The following ABCE1 variants were observed in gnomAD, a reference collection of about 807,000 sequenced individuals.
ABCE1 encodes the protein ATP-binding cassette sub-family E member 1.
A neutral mutation model predicts 83.4 loss-of-function variants in ABCE1; 22 were observed. The ratio of observed to expected loss-of-function variants is 0.26; its 90% confidence interval spans 0.19 to 0.38. The LOEUF (loss-of-function observed/expected upper bound fraction) is 0.38, where lower values mean the gene tolerates loss of function less well. Among genes scored for constraint, ABCE1 ranks in the 10% least tolerant of loss-of-function variants. The pLI, the probability that ABCE1 is intolerant of heterozygous loss-of-function variation, is 1.00. For synonymous variants in ABCE1, 204 were observed against 233.7 expected, an observed-to-expected ratio of 0.87 and a Z score of 1.16; for missense variants, 330 against 721.9, an observed-to-expected ratio of 0.46 and a Z score of 6.22.
intron 13 of ABCE1, 109 bp downstream of exon 13, chr4:145,121,500 T>A: frequency 1.3e-6 from 1 of 777,976 alleles, no homozygotes; most frequent in Non-Finnish European, 2.1e-6. Flanking sequence ...TCTATACAGT[T>A]TTATTGATAG....
rs748074488 is a variant in ABCE1 at position 145,105,590 on chromosome 4, C to A, written c.104-15C>A. ...ATCAAAGGAAATGGCTTAATTATAT[C>A]TTTTCCTTTACCAGGAAAATTATGC... On this transcript the variant is annotated splice_polypyrimidine_tract_variant and intron_variant, in intron 2 of 17. Coordinates refer to ENST00000296577, the MANE Select transcript of ABCE1 (RefSeq NM_002940.3). The A allele has an allele frequency of 7.1e-6, 11 of 1,552,066 alleles. No individual in the cohort carries two copies. The highest frequency in any genetic ancestry group is 5.5e-5 in the African/African-American group (4 of 72,822).
chr4:145,105,605 G>A lies in ABCE1; in HGVS notation c.104G>A (p.Gly35Glu). 6.3e-7 allele frequency: 1 copy of A among 1,583,448 alleles called. No individual in the cohort carries two copies. The highest frequency in any genetic ancestry group is 8.6e-7 in the Non-Finnish European group (1 of 1,160,572). Residue 35 changes from glycine (G) to glutamate (E), a missense_variant and splice_region_variant, in exon 3 of 18, where the codon GGA (glycine) becomes GAA (glutamate). By Grantham distance (98) the Gly-to-Glu change is moderately conservative (BLOSUM62 -2). Coordinates refer to ENST00000296577, the MANE Select transcript of ABCE1 (RefSeq NM_002940.3). ...TTAATTATATCTTTTCCTTTACCAG[G>A]AAAATTATGCATAGAGGTTACACCC... ...CKKSCPVVRMGKLCIEVTPQS... is the reference protein window; with the variant it reads ...CKKSCPVVRMEKLCIEVTPQS...
intron 17 of ABCE1, 72 bp from the exon 18 acceptor site, chr4:145,127,454 T>C (rs1749919103): frequency 7.6e-7 from 1 of 1,319,592 alleles, no homozygotes; most frequent in Non-Finnish European, 1.1e-6. Context: ...AGTAATACCA[T>C]GAGTGAAAGT....
Position 145,120,295 on chromosome 4 carries a change from C to T in ABCE1, c.1144+142C>T, listed in dbSNP as rs1749709690. 3 of 692,850 alleles carry T rather than the reference C, an allele frequency of 4.3e-6. No individual in the cohort carries two copies. The South Asian group carries it at 6.2e-5, about 14-fold the overall frequency. The allele number at this position is 692,850 out of a possible 1,614,324, so 42.9% of individuals were successfully genotyped here. A position where few individuals can be genotyped will look rare whatever the true frequency, so the allele number is the denominator to read the frequency against. On this transcript the variant is annotated intron_variant, in intron 11 of 17. Transcript: ENST00000296577. ...TTAAACCCACAAATTTCTTAGTGTACTTTCACATTTTTTTGGCATTGTGTA... is the reference window on the plus strand; with the variant it reads ...TTAAACCCACAAATTTCTTAGTGTATTTTCACATTTTTTTGGCATTGTGTA...
intron 9 of ABCE1, among the ~76,000 whole-genome samples, chr4:145,114,999 G>A (rs1749574733): frequency 6.6e-6 from 1 of 151,848 alleles, no homozygotes; most frequent in Non-Finnish European, 1.5e-5. Flanking sequence ...AGGATGCATT[G>A]GACAAAAGAA....
chr4:145,125,516 CTA>C (rs1313102501), intron 17 of ABCE1, among the ~76,000 whole-genome samples: 2 of 151,916 alleles, frequency 1.3e-5, no homozygotes. Context: ...TTTAAAATTC[CTA>C]TGTTTTTTAC....
chr4:145,101,514 G>C (rs1418930754), intron 1 of ABCE1, among the ~76,000 whole-genome samples: 1 of 152,160 alleles, frequency 6.6e-6, no homozygotes, highest in Non-Finnish European at 1.5e-5. Flanking sequence ...TCTTTAAAAG[G>C]CTTCCTATGG....
At chr4:145,122,926 C>A in intron 13 of ABCE1, 95 bp from the exon 14 acceptor site, 1 of 859,528 alleles carries the variant, frequency 1.2e-6, no homozygotes, top group Non-Finnish European at 1.7e-6. Context: ...AATTGATATA[C>A]TTTTATTCTG....
chr4:145,126,047 C>T (rs917541246), intron 17 of ABCE1, among the ~76,000 whole-genome samples: 3 of 151,816 alleles, frequency 2.0e-5, no homozygotes, highest in African/African-American at 2.4e-5. Context: ...TCCCTGCCCC[C>T]GCCCCCGCAA....
At position 145,129,377 on chromosome 4, in the gene ABCE1, G is replaced by A. The variant is rs950828762; in HGVS notation, c.*1804G>A. 2.6e-5 allele frequency among the ~76,000 whole-genome samples: 4 copies of A among 152,128 alleles called. No individual in the cohort carries two copies. The highest frequency in any genetic ancestry group is 4.2e-4 in the South Asian group (2 of 4,816). ...AAATCAGTATAAAATCAATGCAGAT[G>A]TTAGCAAAAGAATGAGACTACTTCA... On this transcript the variant is annotated 3_prime_UTR_variant, in exon 18 of 18. Transcript: ENST00000296577.
chr4:145,114,673 A>T (rs1196904445), intron 9 of ABCE1, among the ~76,000 whole-genome samples: 1 of 151,716 alleles, frequency 6.6e-6, no homozygotes, highest in African/African-American at 2.4e-5. Flanking sequence ...GGGAAAAAAA[A>T]ACTAGTTAAG....
intron 9 of ABCE1, among the ~76,000 whole-genome samples, chr4:145,113,661 G>A (rs906920149): frequency 5.9e-5 from 9 of 151,948 alleles, no homozygotes; most frequent in East Asian, 3.9e-4. Context: ...TTCTAAGGGC[G>A]GCTATTAAAT....
intron 1 of ABCE1, among the ~76,000 whole-genome samples, chr4:145,103,284 A>G (rs979990601): frequency 7.2e-5 from 11 of 152,178 alleles, no homozygotes; most frequent in Non-Finnish European, 1.2e-4. Flanking sequence ...TTATCACAGT[A>G]AGAAAAAGAC....
intron 10 of ABCE1, among the ~76,000 whole-genome samples, chr4:145,118,271 C>A (rs1340776416): frequency 7.2e-6 from 1 of 139,270 alleles, no homozygotes; most frequent in African/African-American, 2.7e-5. Flanking sequence ...TTTTTTTAAT[C>A]TTGGAGGAAT....
intron 9 of ABCE1, 150 bp downstream of exon 9, chr4:145,112,478 A>G (rs563690883): frequency 2.9e-5 from 18 of 614,584 alleles, no homozygotes; most frequent in Non-Finnish European, 4.8e-5. Context: ...TTCTTTACCT[A>G]GAACAGAGGT....
rs1476500117 is a variant in ABCE1, at chr4:145,123,008, A to C, written c.1264-13A>C. On this transcript the variant is annotated splice_polypyrimidine_tract_variant and intron_variant, in intron 13 of 17. Coordinates refer to ENST00000296577, the MANE Select transcript of ABCE1 (RefSeq NM_002940.3). ...AAGTTTATCATTTAAATACTTTTTT[A>C]TATTAAAAACAGGGAAGTGTTCGCC... 5 of 1,504,504 alleles carry C rather than the reference A, an allele frequency of 3.3e-6. No individual in the cohort carries two copies. The highest frequency in any genetic ancestry group is 2.3e-5 in the East Asian group (1 of 44,140). 93.2% of individuals were successfully genotyped at this position (1,504,504 alleles called of 1,614,324 possible).
intron 1 of ABCE1, among the ~76,000 whole-genome samples, chr4:145,099,541 G>GT (rs1399856252): frequency 2.0e-5 from 3 of 152,176 alleles, no homozygotes; most frequent in Admixed American, 6.5e-5. Flanking sequence ...AAAAAAGGGA[G>GT]TTTTTTTGTT....
chr4:145,100,540 C>A (rs945953936), intron 1 of ABCE1, among the ~76,000 whole-genome samples: 2 of 152,170 alleles, frequency 1.3e-5, no homozygotes, highest in African/African-American at 4.8e-5. Flanking sequence ...TGCATGGTGT[C>A]CAGTTTTAAT....
chr4:145,098,639 CGCCGCTGTT>C (rs1297358300), intron 1 of ABCE1: 6 of 152,296 alleles, frequency 3.9e-5, no homozygotes, highest in African/African-American at 1.2e-4. Context: ...ACCCGGCTGT[CGCCGCTGTT>C]GCCTGCCACA....
Sources: allele counts gnomAD v4.1 joint callset (sites outside exome capture counted in the v4.1 genomes callset), GRCh38; gene constraint gnomAD v4.1.1; transcripts MANE v1.5; gene names NCBI Gene and HGNC (gene_info 2026-07-23, HGNC 2026-07-21).